The following BACE2 variants were observed in gnomAD, a reference collection of about 807,000 sequenced individuals.
BACE2 encodes beta-secretase 2.
BACE2 carries 17 observed loss-of-function variants against 46.2 expected under a neutral mutation model. That is an observed-to-expected ratio of 0.37 (90% CI 0.25 to 0.55). The LOEUF (loss-of-function observed/expected upper bound fraction) is 0.55, where lower values mean the gene tolerates loss of function less well. Ranked by LOEUF, BACE2 falls within the 20% of genes least tolerant of loss-of-function variation. The pLI, the probability that BACE2 is intolerant of heterozygous loss-of-function variation, is 0.82. For missense variants in BACE2, 595 were observed against 698.1 expected (o/e 0.85, Z 1.66); for synonymous variants, 277 against 295.9 (o/e 0.94, Z 0.66).
intron 8 of BACE2, among the ~76,000 whole-genome samples, chr21:41,275,070 T>C (rs2088470672): frequency 6.6e-6 from 1 of 152,092 alleles, no homozygotes; most frequent in Non-Finnish European, 1.5e-5. Context: ...AGTACCGCAG[T>C]GTCGCTGGCA....
chr21:41,268,470 T>C (rs1033425854), intron 8 of BACE2, among the ~76,000 whole-genome samples: 10 of 152,268 alleles, frequency 6.6e-5, no homozygotes, highest in African/African-American at 2.4e-4. Flanking sequence ...GAAGGAATTT[T>C]AAATCAGCTT....
intron 1 of BACE2, among the ~76,000 whole-genome samples, chr21:41,205,077 G>C (rs899881417): frequency 2.6e-5 from 4 of 152,288 alleles, no homozygotes; most frequent in African/African-American, 9.6e-5. Flanking sequence ...TCTGTGTTGC[G>C]CATTCAGTTT....
rs2088543693 is a variant in BACE2 at position 41,281,172 on chromosome 21, G to A, written c.*5548G>A. 2 of 152,340 alleles carry A rather than the reference G, an allele frequency of 1.3e-5. No individual in the cohort carries two copies. Among genetic ancestry groups the A allele is most frequent in the South Asian group, 4.1e-4 (2 of 4,828 alleles). The allele number at this position is 152,340 out of a possible 1,614,324, so 9.4% of individuals were successfully genotyped here. ...CAGTTCCCTTTACAGATGGATAATT[G>A]TTTGTGTAAGACCAACCAGATAAAG... is the stretch of plus-strand genomic sequence containing the variant. On this transcript the variant is annotated 3_prime_UTR_variant, in exon 9 of 9. Transcript: ENST00000330333.
At position 41,221,827 on chromosome 21, in the gene BACE2, C is replaced by CAAA. The variant is rs58502168; in HGVS notation, c.313-4417_313-4415dup. On this transcript the variant is annotated intron_variant, in intron 1 of 8. Transcript: ENST00000330333. ...TGGGTGACTGAGCGAGACTCTGTCT[C>CAAA]AAAAAAAAAAAAAAAAAAAAAAAAG... 8.6e-3 allele frequency among the ~76,000 whole-genome samples: 848 copies of CAAA among 98,630 alleles called. 24 individuals carry two copies. Among genetic ancestry groups the CAAA allele is most frequent in the African/African-American group, 0.025 (801 of 31,786 alleles). The allele number at this position is 98,630 out of a possible 152,430, so 64.7% of individuals were successfully genotyped here.
intron 7 of BACE2, among the ~76,000 whole-genome samples, chr21:41,252,747 G>GATGAATTTGAGATA (rs1274520844): frequency 2.6e-5 from 4 of 152,186 alleles, no homozygotes; most frequent in African/African-American, 2.4e-5. Context: ...GAGATAAAGG[G>GATGAATTTGAGATA]AATTGGACTG....
At position 41,210,093 on chromosome 21, in the gene BACE2, G is replaced by C. The variant is rs1047475924; in HGVS notation, c.313-16173G>C. Among the ~76,000 whole-genome samples the C allele has an allele frequency of 5.3e-5, 8 of 152,068 alleles. No individual in the cohort carries two copies. The South Asian group carries it at 1.7e-3, about 32-fold the overall frequency. ...CAGAAGAATTAGGATTTGGGGACTTGGATTTGAGTGATCTCTTAGGTTCTT... is the reference window on the plus strand; with the variant it reads ...CAGAAGAATTAGGATTTGGGGACTTCGATTTGAGTGATCTCTTAGGTTCTT... On this transcript the variant is annotated intron_variant, in intron 1 of 8. Coordinates refer to ENST00000330333, the MANE Select transcript of BACE2 (RefSeq NM_012105.5).
chr21:41,241,533 T>C (rs1987285906), intron 3 of BACE2, among the ~76,000 whole-genome samples: 2 of 152,058 alleles, frequency 1.3e-5, no homozygotes, highest in African/African-American at 4.8e-5. Flanking sequence ...TCACACCCCC[T>C]CACAAGGCAG....
At chr21:41,207,445 T>C (rs900427891) in intron 1 of BACE2, among the ~76,000 whole-genome samples, 1 of 152,194 alleles carries the variant, frequency 6.6e-6, no homozygotes, top group Non-Finnish European at 1.5e-5. Flanking sequence ...GTGAATGCGC[T>C]CACACATGAC....
At chr21:41,230,721 T>A (rs539592867) in intron 2 of BACE2, among the ~76,000 whole-genome samples, 22 of 152,360 alleles carry the variant, frequency 1.4e-4, no homozygotes, top group Admixed American at 3.9e-4. Flanking sequence ...ATCTCTTTGA[T>A]TTATGGAATG....
At chr21:41,256,712 G>C (rs1987796671) in intron 7 of BACE2, among the ~76,000 whole-genome samples, 1 of 152,144 alleles carries the variant, frequency 6.6e-6, no homozygotes, top group Admixed American at 6.5e-5. Context: ...AAAAGTATTT[G>C]ATTGATGTCT....
chr21:41,208,307 G>A (rs961013211), intron 1 of BACE2, among the ~76,000 whole-genome samples: 7 of 152,342 alleles, frequency 4.6e-5, no homozygotes, highest in Admixed American at 1.3e-4. Flanking sequence ...AGGACCGCAC[G>A]GTGTCTTCTG....
At chr21:41,223,353 CAA>C (rs112376990) in intron 1 of BACE2, among the ~76,000 whole-genome samples, 13 of 127,466 alleles carry the variant, frequency 1.0e-4, no homozygotes, top group African/African-American at 1.1e-4. Flanking sequence ...GAGACACTGT[CAA>C]AAAAAAAAAA....
intron 1 of BACE2, among the ~76,000 whole-genome samples, chr21:41,223,249 T>C (rs34616176): frequency 0.37 from 56,202 of 151,456 alleles, 14,878 homozygotes; most frequent in African/African-American, 0.75. Flanking sequence ...CCAGCTACTT[T>C]GGAGGCTGAG....
At chr21:41,260,741 C>T (rs1046272184) in intron 8 of BACE2, among the ~76,000 whole-genome samples, 2 of 152,150 alleles carry the variant, frequency 1.3e-5, no homozygotes, top group Admixed American at 6.5e-5. Context: ...TCACTGCTGC[C>T]CCACTCCGTT....
chr21:41,230,524 A>C (rs1986940401), intron 2 of BACE2, among the ~76,000 whole-genome samples: 1 of 152,164 alleles, frequency 6.6e-6, no homozygotes, highest in Admixed American at 6.5e-5. Flanking sequence ...TTCTTTTCTG[A>C]GCTGCAGCTC....
chr21:41,168,368 G>A lies in BACE2; in HGVS notation c.105G>A (p.Val35=). 2 of 1,395,300 alleles carry A rather than the reference G, an allele frequency of 1.4e-6. No individual in the cohort carries two copies. The highest frequency in any genetic ancestry group is 1.9e-6 in the Non-Finnish European group (2 of 1,070,982). 86.4% of individuals were successfully genotyped at this position (1,395,300 alleles called of 1,614,324 possible). Residue 35 remains valine, a synonymous_variant, in exon 1 of 9, where the codon GTG becomes GTA. Coordinates refer to ENST00000330333, the MANE Select transcript of BACE2 (RefSeq NM_012105.5). The stretch of plus-strand genomic sequence containing the variant: ...CGCCCTTCACGCTGCCCCTCCGGGT[G>A]GCCGCGGCCACGAACCGCGTAGTTG... The part of the protein sequence containing the change: ...APAPFTLPLR[V]AAATNRVVAP...
intron 1 of BACE2, among the ~76,000 whole-genome samples, chr21:41,174,127 G>C (rs538831252): frequency 3.7e-4 from 31 of 84,926 alleles, no homozygotes; most frequent in African/African-American, 2.1e-3. Flanking sequence ...GATAGCTGTT[G>C]TGATCAGTGG....
In BACE2 at chr21:41,168,330, G is replaced by C; in HGVS notation, c.67G>C (p.Glu23Gln). The part of the protein sequence containing the change: ...LAQWLLRAAP[E>Q]LAPAPFTLPL... ...CCAGTGGCTCCTGCGCGCCGCCCCGGAGCTGGCCCCCGCGCCCTTCACGCT... is the reference window on the plus strand; with the variant it reads ...CCAGTGGCTCCTGCGCGCCGCCCCGCAGCTGGCCCCCGCGCCCTTCACGCT... Residue 23 changes from glutamate to glutamine, a missense_variant, in exon 1 of 9, where the codon GAG becomes CAG. Physicochemically the swap from Glu to Gln is conservative, Grantham distance 29 (BLOSUM62 2). This residue lies in a region of BACE2 where 248 missense variants were observed against 261.4 expected (regional missense o/e 0.95). Coordinates refer to ENST00000330333, the MANE Select transcript of BACE2 (RefSeq NM_012105.5). The C allele has an allele frequency of 7.4e-7, 1 of 1,355,418 alleles. No individual in the cohort carries two copies. Among genetic ancestry groups the C allele is most frequent in the South Asian group, 1.8e-5 (1 of 55,682 alleles). The allele number at this position is 1,355,418 out of a possible 1,614,324, so 84.0% of individuals were successfully genotyped here.
intron 8 of BACE2, among the ~76,000 whole-genome samples, chr21:41,258,974 T>C (rs1448473168): frequency 1.3e-5 from 2 of 152,222 alleles, no homozygotes; most frequent in East Asian, 3.8e-4. Context: ...TGTGACTGTT[T>C]TACTTCTTTT....
Sources: gnomAD v4.1 joint callset for allele counts (sites outside exome capture counted in the v4.1 genomes callset) on GRCh38, gnomAD v4.1.1 for gene constraint, gnomAD v4.1.1 regional missense constraint, MANE v1.5 for transcripts, NCBI Gene and HGNC (gene_info 2026-07-23, HGNC 2026-07-21) for gene names.